NXF3: variants seen among roughly 807,000 people sequenced by gnomAD.
NXF3 encodes the protein nuclear RNA export factor 3.
In NXF3, 34 loss-of-function variants were observed where a neutral mutation model predicts 48.4. That is an observed-to-expected ratio of 0.70 (90% confidence interval 0.53 to 0.93). NXF3 has a LOEUF of 0.93. NXF3 is among the 40% of genes least tolerant of loss of function. NXF3 has a pLI of 0.00. For missense variants in NXF3, 359 were observed against 406.1 expected (o/e 0.88, Z 1.00); for synonymous variants, 132 against 145.7 (o/e 0.91, Z 0.68).
chrX:103,082,184 G>GCCT (rs1388586289), intron 9 of NXF3, 71 bp downstream of exon 9: 1 of 684,004 alleles, frequency 1.5e-6, no homozygotes, highest in African/African-American at 2.1e-5. Context: ...GACTAGTGCT[G>GCCT]CCTCCTCCTG....
At position 103,087,695 on chromosome X, in the gene NXF3, A is replaced by G. The variant is rs1379841353; in HGVS notation, c.29-2812T>C. The G allele has an allele frequency of 3.8e-6, 4 of 1,049,223 alleles. No homozygotes were observed. In the East Asian group the frequency reaches 1.2e-4, roughly 32 times the overall value. The allele number at this position is 1,049,223 out of a possible 1,213,427, so 86.5% of individuals were successfully genotyped here. On this transcript the variant is annotated intron_variant, in intron 1 of 19. Coordinates refer to ENST00000395065, the MANE Select transcript of NXF3 (RefSeq NM_022052.2). ...TCATGCATATACAATCTGTGGCAAG[A>G]TGTTTCCATCACAGTCAAAACTGGA...
intron 3 of NXF3, 78 bp downstream of exon 3, chrX:103,084,264 T>A: frequency 9.1e-7 from 1 of 1,101,671 alleles, no homozygotes; most frequent in South Asian, 2.0e-5. Context: ...TACAAAAGTA[T>A]CTAGTGTCCA....
intron 9 of NXF3, chrX:103,081,645 C>T (rs1410224990): frequency 8.9e-6 from 1 of 112,784 alleles, no homozygotes; most frequent in African/African-American, 3.2e-5. Context: ...GGAATGTGGC[C>T]CGCTTCTGGT....
intron 8 of NXF3, 57 bp from the exon 9 acceptor site, chrX:103,082,421 C>T (rs1247963704): frequency 3.8e-6 from 3 of 795,352 alleles, no homozygotes; most frequent in East Asian, 3.2e-5. Context: ...GAGGGCCCTG[C>T]ACCCTCAGTC....
Position 103,077,661 on chromosome X carries a change from C to T in NXF3, c.1537G>A (p.Ala513Thr). The T allele has an allele frequency of 8.3e-7, 1 of 1,211,468 alleles. No individual in the cohort carries two copies. Among genetic ancestry groups the T allele is most frequent in the Non-Finnish European group, 1.1e-6 (1 of 895,242 alleles). Residue 513 changes from alanine to threonine, a missense_variant, in exon 18 of 20, where the codon GCC (alanine) becomes ACC (threonine). Ala to Thr is a moderately conservative substitution (Grantham distance 58, BLOSUM62 0). Coordinates refer to ENST00000395065, the MANE Select transcript of NXF3 (RefSeq NM_022052.2). The part of the protein sequence containing the change: ...QSALFTLVPT[A>T]FSSSVPAFSQ... ...AAGGCAGGCACGGAGCTGGAGAAGGCTGTGGGCACTAGGGTGAACAAGGCA... is the reference window on the plus strand; with the variant it reads ...AAGGCAGGCACGGAGCTGGAGAAGGTTGTGGGCACTAGGGTGAACAAGGCA...
At chrX:103,080,462 G>A in intron 10 of NXF3, 114 bp downstream of exon 10, 1 of 793,180 alleles carries the variant, frequency 1.3e-6, no homozygotes, top group Non-Finnish European at 1.9e-6. Flanking sequence ...ACTCCCTTGA[G>A]GTTTAAGGGT....
At chrX:103,077,243 CTTTTTT>C (rs34811257) in intron 18 of NXF3, among the ~76,000 whole-genome samples, 2 of 62,611 alleles carry the variant, frequency 3.2e-5, no homozygotes, top group Admixed American at 3.7e-4. Flanking sequence ...GCACTCACTT[CTTTTTT>C]TTTTTTTTTT....
chrX:103,083,921 G>C (rs1003307978), intron 3 of NXF3, among the ~76,000 whole-genome samples: 79 of 111,245 alleles, frequency 7.1e-4, no homozygotes, highest in African/African-American at 2.6e-3. Context: ...TATTCAAATA[G>C]TTTTCTTAAA....
intron 1 of NXF3, chrX:103,087,128 C>T: frequency 2.2e-6 from 1 of 453,457 alleles, no homozygotes; most frequent in Non-Finnish European, 3.8e-6. Flanking sequence ...AATCAACAGG[C>T]TTTCAGCCTT....
chrX:103,090,729 T>C lies in NXF3; in HGVS notation c.28+2267A>G, dbSNP rs1485195582. On this transcript the variant is annotated intron_variant, in intron 1 of 19. Transcript: ENST00000395065. ...GGTGGGGGTGATCTGCTTGCTTCTT[T>C]TACCACAGGTGATTTTTAAGTAACT... 3.6e-5 allele frequency among the ~76,000 whole-genome samples: 4 copies of C among 111,602 alleles called. No homozygotes were observed. The East Asian group carries it at 1.1e-3, about 31-fold the overall frequency.
In NXF3 at chrX:103,083,590, C is replaced by A; in HGVS notation, c.435+19G>T. The A allele has an allele frequency of 8.4e-7, 1 of 1,192,985 alleles. No homozygotes were observed. Among genetic ancestry groups the A allele is most frequent in the South Asian group, 1.8e-5 (1 of 56,532 alleles). ...AACCTGTCCTGTTTTCTCTCGTCTG[C>A]CTCACGGTCCTTTCTTACCTCAACT... On this transcript the variant is annotated intron_variant, in intron 4 of 19. Coordinates refer to ENST00000395065, the MANE Select transcript of NXF3 (RefSeq NM_022052.2).
In NXF3 at chrX:103,092,174, T is replaced by C. The variant is rs752143555; in HGVS notation, c.28+822A>G. ...GCTGTAACATGATTATTTACGGACA[T>C]AGTTTGATTGGCTGGCTAACTTAGT... On this transcript the variant is annotated intron_variant, in intron 1 of 19. Coordinates refer to ENST00000395065, the MANE Select transcript of NXF3 (RefSeq NM_022052.2). Among the ~76,000 whole-genome samples, 653 of 110,542 alleles carry C rather than the reference T, an allele frequency of 5.9e-3. 5 individuals are homozygous for C. The highest frequency in any genetic ancestry group is 0.01 in the Non-Finnish European group (543 of 52,993).
rs758865015 is a variant in NXF3, at chrX:103,080,200, G to A, written c.944C>T (p.Pro315Leu). The A allele has an allele frequency of 8.3e-6, 10 of 1,209,386 alleles. No homozygotes were observed. Among genetic ancestry groups the A allele is most frequent in the Middle Eastern group, 2.3e-4 (1 of 4,370 alleles). Residue 315 changes from proline (P) to leucine (L), a missense_variant, in exon 11 of 20, where the codon CCC becomes CTC. By Grantham distance (98) the Pro-to-Leu change is moderately conservative. Coordinates refer to ENST00000395065, the MANE Select transcript of NXF3 (RefSeq NM_022052.2). ...TTCAGTACCACATAAAGTTGCTCTG[G>A]GTGACTGCTGGCCATCCTGGGGAAG... The part of the protein sequence containing the change: ...KLLCLDGQQS[P>L]RATLCGTEAH...
intron 18 of NXF3, among the ~76,000 whole-genome samples, chrX:103,077,161 T>A (rs1316061378): frequency 1.8e-5 from 2 of 109,735 alleles, no homozygotes; most frequent in African/African-American, 6.7e-5. Context: ...AAGCCAACTA[T>A]CTGCAAGTTC....
intron 2 of NXF3, 62 bp downstream of exon 2, chrX:103,084,653 C>G (rs1304337748): frequency 1.7e-6 from 2 of 1,155,053 alleles, no homozygotes; most frequent in Admixed American, 4.5e-5. Flanking sequence ...ACATATTCAG[C>G]TACAGAGTTA....
Position 103,082,999 on chromosome X carries a change from C to A in NXF3, c.691+5G>T, listed in dbSNP as rs371028354. ...TCTACCATAGAATTACTTTCTCAGC[C>A]ATACCTGGGTAAAATGGGAGTCTCT... On this transcript the variant is annotated splice_donor_5th_base_variant and intron_variant, in intron 7 of 19. Transcript: ENST00000395065. 6 of 1,202,643 alleles carry A rather than the reference C, an allele frequency of 5.0e-6. No individual in the cohort carries two copies. In the African/African-American group the frequency reaches 8.8e-5, roughly 18 times the overall value.
Position 103,082,748 on chromosome X carries a change from C to T in NXF3, c.780+12G>A, listed in dbSNP as rs751011992. The T allele has an allele frequency of 1.1e-5, 13 of 1,185,385 alleles. No individual in the cohort carries two copies. The East Asian group carries it at 3.9e-4, about 35-fold the overall frequency. ...CTTCACCCTCAATCCCAGCATGAGC[C>T]TAAGGCCTCACTGTAGGTATGTTCT... On this transcript the variant is annotated intron_variant, in intron 8 of 19. Transcript: ENST00000395065.
At chrX:103,091,882 G>A (rs901275916) in intron 1 of NXF3, among the ~76,000 whole-genome samples, 5 of 106,353 alleles carry the variant, frequency 4.7e-5, no homozygotes, top group African/African-American at 1.7e-4. Flanking sequence ...CTACTCGGGA[G>A]GCTGAGGCAG....
At chrX:103,091,710 G>C (rs1397171535) in intron 1 of NXF3, among the ~76,000 whole-genome samples, 1 of 110,850 alleles carries the variant, frequency 9.0e-6, no homozygotes, top group African/African-American at 3.3e-5. Flanking sequence ...ATTAGGCCAG[G>C]CGCGGTGGCT....
Sources: allele counts gnomAD v4.1 joint callset (sites outside exome capture counted in the v4.1 genomes callset), GRCh38; gene constraint gnomAD v4.1.1; transcripts MANE v1.5; gene names NCBI Gene and HGNC (gene_info 2026-07-23, HGNC 2026-07-21).